Variants in GABRB1 observed in about 807,000 individuals in gnomAD.
GABRB1 encodes gamma-aminobutyric acid type A receptor subunit beta1.
In GABRB1, 17 loss-of-function variants were observed where a neutral mutation model predicts 51.6. That is an observed-to-expected ratio of 0.33 (90% CI 0.23 to 0.49). The LOEUF (loss-of-function observed/expected upper bound fraction) is 0.49, where lower values mean the gene tolerates loss of function less well. Among genes scored for constraint, GABRB1 ranks in the 20% least tolerant of loss-of-function variants. GABRB1 has a pLI of 0.99. For missense variants in GABRB1, 410 were observed against 600.6 expected (o/e 0.68, Z 3.32); for synonymous variants, 247 against 218.9 (o/e 1.13, Z -1.14).
At chr4:47,353,421 T>C (rs376824026) in intron 5 of GABRB1, among the ~76,000 whole-genome samples, 10 of 152,316 alleles carry the variant, frequency 6.6e-5, no homozygotes, top group African/African-American at 2.4e-4. Flanking sequence ...TGCTAACTTA[T>C]TGTTAAGGTA....
intron 5 of GABRB1, among the ~76,000 whole-genome samples, chr4:47,341,326 C>A (rs960002344): frequency 6.6e-6 from 1 of 151,834 alleles, no homozygotes; most frequent in African/African-American, 2.4e-5. Flanking sequence ...TTCGATCCCA[C>A]AACACCAGTG....
intron 4 of GABRB1, among the ~76,000 whole-genome samples, chr4:47,251,029 G>A (rs1363378952): frequency 6.6e-6 from 1 of 152,088 alleles, no homozygotes; most frequent in Non-Finnish European, 1.5e-5. Flanking sequence ...GTTTTGTTTT[G>A]TCATATTACC....
intron 4 of GABRB1, among the ~76,000 whole-genome samples, chr4:47,242,913 G>A (rs529783395): frequency 1.8e-4 from 28 of 152,218 alleles, no homozygotes; most frequent in African/African-American, 5.8e-4. Context: ...TGTCAATTTC[G>A]GCTTTCGTTG....
chr4:47,019,560 T>TCTCTCTCTCA (rs1724847178), intron 1 of GABRB1, among the ~76,000 whole-genome samples: 1 of 151,032 alleles, frequency 6.6e-6, no homozygotes, highest in Non-Finnish European at 1.5e-5. Flanking sequence ...TCTCTCTCTC[T>TCTCTCTCTCA]CTCTCTCTCT....
chr4:47,235,872 T>G (rs952875777), intron 4 of GABRB1, among the ~76,000 whole-genome samples: 17 of 152,134 alleles, frequency 1.1e-4, no homozygotes, highest in Non-Finnish European at 2.1e-4. Context: ...ATCTCATGAC[T>G]CACAAATCTC....
chr4:47,324,733 T>C (rs757644715), intron 5 of GABRB1, among the ~76,000 whole-genome samples: 5 of 152,238 alleles, frequency 3.3e-5, no homozygotes, highest in Non-Finnish European at 5.9e-5. Flanking sequence ...AGCACTCTTC[T>C]TGGCATGTCT....
chr4:47,155,932 T>TATTTCATATATATATATATATATTC (rs767881812), intron 3 of GABRB1, among the ~76,000 whole-genome samples: 1 of 94,506 alleles, frequency 1.1e-5, no homozygotes, highest in African/African-American at 6.2e-5. Context: ...TATATATATA[T>TATTTCATATATATATATATATATTC]ATATATATAT....
intron 4 of GABRB1, among the ~76,000 whole-genome samples, chr4:47,276,625 CA>C (rs1267164217): frequency 6.6e-6 from 1 of 152,030 alleles, no homozygotes; most frequent in Non-Finnish European, 1.5e-5. Flanking sequence ...ATCAAAAAAC[CA>C]AAATTCAGAA....
intron 4 of GABRB1, among the ~76,000 whole-genome samples, chr4:47,315,080 T>C (rs1026829333): frequency 4.6e-5 from 7 of 151,582 alleles, no homozygotes; most frequent in Non-Finnish European, 3.0e-5. Flanking sequence ...AGAATGTTGT[T>C]CATCAACAGA....
At chr4:47,304,747 A>G (rs1365401878) in intron 4 of GABRB1, among the ~76,000 whole-genome samples, 2 of 152,098 alleles carry the variant, frequency 1.3e-5, no homozygotes, top group South Asian at 4.1e-4. Context: ...AATCAGAACC[A>G]TATGACTTCA....
chr4:47,220,568 A>C (rs1356374244), intron 4 of GABRB1, among the ~76,000 whole-genome samples: 1 of 152,002 alleles, frequency 6.6e-6, no homozygotes, highest in Non-Finnish European at 1.5e-5. Context: ...CCGGTAATGA[A>C]AATGAGCATA....
upstream of GABRB1, among the ~76,000 whole-genome samples, chr4:47,027,714 C>T (rs1384795107): frequency 6.6e-6 from 1 of 151,292 alleles, no homozygotes; most frequent in Non-Finnish European, 1.5e-5. Context: ...TAAATTAATG[C>T]TATACTTAAG....
At chr4:47,396,298 A>G (rs1397581678) in intron 5 of GABRB1, among the ~76,000 whole-genome samples, 1 of 152,186 alleles carries the variant, frequency 6.6e-6, no homozygotes, top group African/African-American at 2.4e-5. Flanking sequence ...TATCAGGAGA[A>G]CAGTATGGGG....
chr4:47,175,499 A>C (rs1429728872), intron 4 of GABRB1, among the ~76,000 whole-genome samples: 2 of 152,206 alleles, frequency 1.3e-5, no homozygotes, highest in African/African-American at 4.8e-5. Flanking sequence ...TCTTAACACT[A>C]TCTCCCTGAT....
intron 4 of GABRB1, among the ~76,000 whole-genome samples, chr4:47,313,252 T>G (rs1389196744): frequency 6.6e-6 from 1 of 152,210 alleles, no homozygotes; most frequent in African/African-American, 2.4e-5. Context: ...CAGTTAATGC[T>G]TTTGCCTTTA....
upstream of GABRB1, among the ~76,000 whole-genome samples, chr4:47,030,472 C>T (rs935867458): frequency 7.2e-5 from 11 of 152,224 alleles, no homozygotes; most frequent in East Asian, 1.9e-4. Flanking sequence ...GATTACAATT[C>T]GCTTTACTTA....
chr4:47,104,363 A>G (rs1387124010), intron 3 of GABRB1, among the ~76,000 whole-genome samples: 1 of 151,672 alleles, frequency 6.6e-6, no homozygotes, highest in African/African-American at 2.4e-5. Context: ...ATTTATGTCT[A>G]TATTTTATTT....
chr4:47,122,048 T>C (rs2109650220), intron 3 of GABRB1, among the ~76,000 whole-genome samples: 1 of 152,200 alleles, frequency 6.6e-6, no homozygotes, highest in Admixed American at 6.5e-5. Context: ...CCTTAACTCC[T>C]CTCTAGACTC....
chr4:47,415,156 G>A (rs2110062799), intron 8 of GABRB1, among the ~76,000 whole-genome samples: 1 of 152,106 alleles, frequency 6.6e-6, no homozygotes, highest in African/African-American at 2.4e-5. Context: ...TCACTACCCA[G>A]ATATCTAGAA....
Sources: gnomAD v4.1 joint callset for allele counts (sites outside exome capture counted in the v4.1 genomes callset) on GRCh38, gnomAD v4.1.1 for gene constraint, MANE v1.5 for transcripts, NCBI Gene and HGNC (gene_info 2026-07-23, HGNC 2026-07-21) for gene names.